IMMP2L: variants seen among roughly 807,000 people sequenced by gnomAD.
IMMP2L encodes mitochondrial inner membrane protease subunit 2.
Under a neutral mutation model 19.3 loss-of-function variants are expected in IMMP2L, and 18 were observed. The observed-to-expected ratio is 0.93, with a 90% confidence interval of 0.64 to 1.38. The LOEUF is 1.38. Among genes scored for constraint, IMMP2L ranks in the 40% most tolerant of loss-of-function variants. IMMP2L has a pLI of 0.00. For missense variants in IMMP2L, 233 were observed against 218.2 expected (o/e 1.07, Z -0.43); for synonymous variants, 76 against 73.0 (o/e 1.04, Z -0.21).
At chr7:111,280,528 G>A (rs562030983) in intron 3 of IMMP2L, among the ~76,000 whole-genome samples, 6 of 152,252 alleles carry the variant, frequency 3.9e-5, no homozygotes, top group Admixed American at 3.3e-4. Context: ...GTTCACCACA[G>A]AACCACTGTA....
intron 4 of IMMP2L, among the ~76,000 whole-genome samples, chr7:110,889,499 C>A (rs766741171): frequency 6.6e-6 from 1 of 152,084 alleles, no homozygotes. Flanking sequence ...TGATTTGGCA[C>A]GAGGCGGGGC....
intron 5 of IMMP2L, among the ~76,000 whole-genome samples, chr7:110,669,042 T>TGTGTGTGC (rs1245728191): frequency 3.0e-5 from 3 of 99,408 alleles, no homozygotes; most frequent in African/African-American, 1.5e-4. Flanking sequence ...TGTGTGTGTG[T>TGTGTGTGC]GTGTGTGTGC....
chr7:111,240,802 A>C (rs151293682), intron 3 of IMMP2L, among the ~76,000 whole-genome samples: 11 of 151,988 alleles, frequency 7.2e-5, no homozygotes, highest in Admixed American at 2.6e-4. Context: ...GTGTCAGAAA[A>C]ATTAAACATT....
chr7:110,814,623 T>A (rs1359706157), intron 5 of IMMP2L, among the ~76,000 whole-genome samples: 2 of 149,928 alleles, frequency 1.3e-5, no homozygotes, highest in Non-Finnish European at 3.0e-5. Context: ...TTTCTTTTAT[T>A]TTACTTTAAG....
intron 5 of IMMP2L, among the ~76,000 whole-genome samples, chr7:110,685,810 T>C (rs944498188): frequency 6.6e-6 from 1 of 152,050 alleles, no homozygotes; most frequent in Non-Finnish European, 1.5e-5. Flanking sequence ...TAAGGTAACA[T>C]CCCTATGAGA....
At chr7:111,223,639 A>T (rs1250081565) in intron 3 of IMMP2L, among the ~76,000 whole-genome samples, 2 of 152,130 alleles carry the variant, frequency 1.3e-5, no homozygotes, top group African/African-American at 2.4e-5. Flanking sequence ...ACTTTGTAAC[A>T]TGCTTAATTA....
chr7:111,451,968 C>T (rs1225597932), intron 3 of IMMP2L, among the ~76,000 whole-genome samples: 1 of 152,102 alleles, frequency 6.6e-6, no homozygotes, highest in Non-Finnish European at 1.5e-5. Context: ...TCCACACAGA[C>T]TTGAAACAAT....
rs1018671180 is a variant in IMMP2L at position 111,422,670 on chromosome 7, A to T, written c.239+64568T>A. ...CAATCATGTCATCTGCAAACAGGAA[A>T]AATTTGACTTCCTCTTTTCCTAACT... On this transcript the variant is annotated intron_variant, in intron 3 of 5. Coordinates refer to ENST00000405709, the MANE Select transcript of IMMP2L (RefSeq NM_032549.4). Among the ~76,000 whole-genome samples, 5 of 151,836 alleles carry T rather than the reference A, an allele frequency of 3.3e-5. 1 individual carries two copies. The highest frequency in any genetic ancestry group is 1.2e-4 in the African/African-American group (5 of 41,138).
chr7:110,797,659 C>T (rs1308582256), intron 5 of IMMP2L, among the ~76,000 whole-genome samples: 2 of 151,942 alleles, frequency 1.3e-5, no homozygotes, highest in Admixed American at 1.3e-4. Flanking sequence ...TTCTAAATAC[C>T]TATATTATTC....
At chr7:110,907,746 T>A (rs1039956880) in intron 4 of IMMP2L, among the ~76,000 whole-genome samples, 7 of 152,144 alleles carry the variant, frequency 4.6e-5, no homozygotes, top group Non-Finnish European at 1.0e-4. Flanking sequence ...ATAGTAAAAA[T>A]TTTATATTCA....
intron 3 of IMMP2L, among the ~76,000 whole-genome samples, chr7:111,282,901 A>T (rs1820058077): frequency 6.6e-6 from 1 of 152,060 alleles, no homozygotes; most frequent in Admixed American, 6.6e-5. Flanking sequence ...CACTTTCAAC[A>T]TTGCATAGAA....
chr7:111,009,761 A>C (rs781032622), intron 3 of IMMP2L, among the ~76,000 whole-genome samples: 2 of 152,084 alleles, frequency 1.3e-5, no homozygotes, highest in African/African-American at 2.4e-5. Context: ...ACTCCCACTT[A>C]TTTTCATATT....
Position 111,213,727 on chromosome 7 carries a change from T to G in IMMP2L, c.240-250162A>C, listed in dbSNP as rs1474152076. Among the ~76,000 whole-genome samples the G allele has an allele frequency of 2.0e-5, 3 of 152,172 alleles. No individual in the cohort carries two copies. The highest frequency in any genetic ancestry group is 7.2e-5 in the African/African-American group (3 of 41,444). ...GCTGAGAGCTAAAGAGATGACAGTA[T>G]GACCAGTTGTGGAGAGGAGCTACCC... On this transcript the variant is annotated intron_variant, in intron 3 of 5. Transcript: ENST00000405709. The surrounding 1 kb of genome is among the most constrained non-coding windows in gnomAD (Gnocchi z 4.8).
intron 3 of IMMP2L, among the ~76,000 whole-genome samples, chr7:111,487,032 T>C (rs540913941): frequency 5.3e-4 from 80 of 152,156 alleles, no homozygotes; most frequent in Non-Finnish European, 9.0e-4. Flanking sequence ...AATCCAAATA[T>C]GTTAGTCAAC....
In IMMP2L at chr7:111,493,706, A is replaced by G. The variant is rs1283436202; in HGVS notation, c.136-6365T>C. ...GGCGACAGAGCAAGACTCCGTCTCA[A>G]AAAAAAAGAAAAAAACAGTGGCCGG... is the stretch of plus-strand genomic sequence containing the variant. On this transcript the variant is annotated intron_variant, in intron 2 of 5. Transcript: ENST00000405709. Among the ~76,000 whole-genome samples the G allele has an allele frequency of 3.5e-5, 5 of 144,248 alleles. No individual in the cohort carries two copies. The Admixed American group carries it at 3.5e-4, about 10-fold the overall frequency. 94.6% of individuals were successfully genotyped at this position (144,248 alleles called of 152,430 possible). A position where few individuals can be genotyped will look rare whatever the true frequency, so the allele number is the denominator to read the frequency against.
intron 3 of IMMP2L, among the ~76,000 whole-genome samples, chr7:111,157,024 A>G (rs1294724469): frequency 6.6e-6 from 1 of 152,138 alleles, no homozygotes; most frequent in African/African-American, 2.4e-5. Context: ...CCACAATGAG[A>G]TAACATCACA....
intron 5 of IMMP2L, among the ~76,000 whole-genome samples, chr7:110,673,688 C>T (rs4424199): frequency 0.38 from 57,365 of 152,074 alleles, 13,483 homozygotes; most frequent in East Asian, 0.72. Context: ...AGTCTCTTTG[C>T]TAAAGCATAA....
At chr7:111,344,585 G>A (rs929302813) in intron 3 of IMMP2L, among the ~76,000 whole-genome samples, 1 of 152,154 alleles carries the variant, frequency 6.6e-6, no homozygotes, top group Non-Finnish European at 1.5e-5. Flanking sequence ...AAAAAGGCAG[G>A]GAAGCTGTCT....
chr7:110,938,896 T>C (rs559738162), intron 4 of IMMP2L, among the ~76,000 whole-genome samples: 3 of 152,142 alleles, frequency 2.0e-5, no homozygotes, highest in Non-Finnish European at 4.4e-5. Flanking sequence ...TTTTCTTGAC[T>C]CTATCATGAA....
Sources: allele counts gnomAD v4.1 joint callset (sites outside exome capture counted in the v4.1 genomes callset), GRCh38; gene constraint gnomAD v4.1.1; non-coding constraint Gnocchi (gnomAD v3.1); transcripts MANE v1.5; gene names NCBI Gene and HGNC (gene_info 2026-07-23, HGNC 2026-07-21).